Variants in FGF16 observed in about 807,000 individuals in gnomAD.
The protein encoded by FGF16 is metacarpal 4-5 fusion.
Under a neutral mutation model 8.5 loss-of-function variants are expected in FGF16, and 2 were observed. That is an observed-to-expected ratio of 0.24 (90% confidence interval 0.10 to 0.75). The LOEUF (loss-of-function observed/expected upper bound fraction) is 0.75, where lower values mean the gene tolerates loss of function less well. Among genes scored for constraint, FGF16 ranks in the 30% least tolerant of loss-of-function variants. The pLI is 0.74. For synonymous variants in FGF16, 33 were observed against 34.6 expected, an observed-to-expected ratio of 0.95 and a Z score of 0.16; for missense variants, 79 against 87.4, an observed-to-expected ratio of 0.90 and a Z score of 0.38.
intron 1 of FGF16, among the ~76,000 whole-genome samples, chrX:77,453,103 A>G (rs782797284): frequency 9.0e-6 from 1 of 111,301 alleles, no homozygotes; most frequent in South Asian, 3.8e-4. Flanking sequence ...AAAAAAACAG[A>G]ATTGCAATTT....
intron 2 of FGF16, among the ~76,000 whole-genome samples, chrX:77,454,917 C>T (rs782185575): frequency 1.9e-5 from 2 of 105,862 alleles, no homozygotes; most frequent in Admixed American, 1.0e-4. Context: ...TTGCCTCAGC[C>T]TCCCGAGTAG....
At chrX:77,455,208 G>T (rs1231754589) in intron 2 of FGF16, among the ~76,000 whole-genome samples, 1 of 112,395 alleles carries the variant, frequency 8.9e-6, no homozygotes, top group Non-Finnish European at 1.9e-5. Flanking sequence ...GATGGTCAGG[G>T]TTTGGGGCAT....
intron 1 of FGF16, among the ~76,000 whole-genome samples, chrX:77,450,216 G>T (rs1035866084): frequency 8.9e-5 from 10 of 111,952 alleles, no homozygotes; most frequent in African/African-American, 3.2e-4. Flanking sequence ...TTTCTGCTAG[G>T]GGGGAAGAGG....
chrX:77,447,474 G>A lies in FGF16; in HGVS notation c.-201G>A. 3.6e-6 allele frequency: 1 copy of A among 276,655 alleles called. No homozygotes were observed. The highest frequency in any genetic ancestry group is 6.4e-6 in the Non-Finnish European group (1 of 157,087). The allele number at this position is 276,655 out of a possible 1,213,427, so 22.8% of individuals were successfully genotyped here. A position where few individuals can be genotyped will look rare whatever the true frequency, so the allele number is the denominator to read the frequency against. ...CTGAGAGCAAGGTCAGGAGCACGCT[G>A]CCCCGCGCTCCCCGCCACTGAGAAG... On this transcript the variant is annotated 5_prime_UTR_variant, in exon 1 of 3. Transcript: ENST00000439435.
chrX:77,449,858 A>T (rs2147425272), intron 1 of FGF16, among the ~76,000 whole-genome samples: 1 of 112,153 alleles, frequency 8.9e-6, no homozygotes, highest in African/African-American at 3.2e-5. Context: ...TTTGCCTTTG[A>T]AAAAGAAAAC....
chrX:77,456,304 C>T lies in FGF16; in HGVS notation c.406C>T (p.Arg136Trp). Residue 136 changes from arginine (R) to tryptophan (W), a missense_variant, in exon 3 of 3, where the codon CGG (arginine) becomes TGG (tryptophan). Coordinates refer to ENST00000439435, the MANE Select transcript of FGF16 (RefSeq NM_003868.3). ...SKKLTRECVF[R>W]EQFEENWYNT... ...GAAACTCACACGTGAATGTGTTTTC[C>T]GGGAACAGTTTGAAGAAAACTGGTA... The T allele has an allele frequency of 5.8e-6, 7 of 1,208,898 alleles. No homozygotes were observed. Among genetic ancestry groups the T allele is most frequent in the Non-Finnish European group, 7.8e-6 (7 of 893,040 alleles).
intron 1 of FGF16, among the ~76,000 whole-genome samples, chrX:77,452,296 T>C (rs1385171045): frequency 1.8e-5 from 2 of 112,483 alleles, no homozygotes; most frequent in African/African-American, 6.5e-5. Flanking sequence ...TTTATTGAAA[T>C]ATCAAACGGA....
chrX:77,455,995 C>A (rs1222789683), intron 2 of FGF16, among the ~76,000 whole-genome samples: 1 of 112,385 alleles, frequency 8.9e-6, no homozygotes, highest in Non-Finnish European at 1.9e-5. Flanking sequence ...CAGCAATTCT[C>A]AGGCTCAGAG....
In FGF16 at chrX:77,456,612, T is replaced by G. The variant is rs2062573352; in HGVS notation, c.*90T>G. 2.3e-6 allele frequency: 2 copies of G among 876,507 alleles called. No homozygotes were observed. Among genetic ancestry groups the G allele is most frequent in the African/African-American group, 4.0e-5 (2 of 49,572 alleles). The allele number at this position is 876,507 out of a possible 1,213,427, so 72.2% of individuals were successfully genotyped here. A position where few individuals can be genotyped will look rare whatever the true frequency, so the allele number is the denominator to read the frequency against. On this transcript the variant is annotated 3_prime_UTR_variant, in exon 3 of 3. Coordinates refer to ENST00000439435, the MANE Select transcript of FGF16 (RefSeq NM_003868.3). ...ATATTCATAGCTTTTCAATCCTTCCTTCCTATCATTTTAGATAACAGAAAA... is the reference window on the plus strand; with the variant it reads ...ATATTCATAGCTTTTCAATCCTTCCGTCCTATCATTTTAGATAACAGAAAA...
At position 77,456,706 on chromosome X, in the gene FGF16, T is replaced by C. The variant is rs781825156; in HGVS notation, c.*184T>C. 12 of 429,578 alleles carry C rather than the reference T, an allele frequency of 2.8e-5. No individual in the cohort carries two copies. In the South Asian group the frequency reaches 5.4e-4, roughly 19 times the overall value. 35.4% of individuals were successfully genotyped at this position (429,578 alleles called of 1,213,427 possible). A position where few individuals can be genotyped will look rare whatever the true frequency, so the allele number is the denominator to read the frequency against. On this transcript the variant is annotated 3_prime_UTR_variant, in exon 3 of 3. Transcript: ENST00000439435. ...AAGTGTATATCAAGGTTGGGTTATT[T>C]TGGGGAGGGATGGGGGGCTGGGCTC...
chrX:77,453,525 G>T (rs1431898924), intron 1 of FGF16, among the ~76,000 whole-genome samples: 2 of 112,285 alleles, frequency 1.8e-5, no homozygotes, highest in Non-Finnish European at 3.8e-5. Context: ...TGATAGGCTT[G>T]TCAGCTTGGG....
At chrX:77,451,638 G>C (rs1347013001) in intron 1 of FGF16, among the ~76,000 whole-genome samples, 4 of 112,105 alleles carry the variant, frequency 3.6e-5, no homozygotes, top group Non-Finnish European at 7.5e-5. Context: ...TTAGTTACCA[G>C]ACCTGTATCA....
In FGF16 at chrX:77,454,272, GTTTTTTTTTTTTTTTTTTT is replaced by G. The variant is rs782034788; in HGVS notation, c.378+24_378+42del. Reference sequence around the variant, plus strand: ...AACTCTATGGGTCGGTAAGTTTAAGGTTTTTTTTTTTTTTTTTTTTTTTTTTTTTTGGTCAGAGGTTATT... The same window carrying G: ...AACTCTATGGGTCGGTAAGTTTAAGGTTTTTTTTTTTGGTCAGAGGTTATT... On this transcript the variant is annotated intron_variant, in intron 2 of 2. Coordinates refer to ENST00000439435, the MANE Select transcript of FGF16 (RefSeq NM_003868.3). The G allele has an allele frequency of 8.6e-5, 13 of 151,466 alleles. No homozygotes were observed. The highest frequency in any genetic ancestry group is 2.9e-4 in the Admixed American group (2 of 7,012). 12.5% of individuals were successfully genotyped at this position (151,466 alleles called of 1,213,427 possible).
intron 1 of FGF16, among the ~76,000 whole-genome samples, chrX:77,451,993 C>G (rs190114513): frequency 2.0e-4 from 22 of 112,252 alleles, no homozygotes; most frequent in Admixed American, 1.6e-3. Context: ...TTATAAAGCC[C>G]TTGCACAGAC....
intron 2 of FGF16, among the ~76,000 whole-genome samples, chrX:77,455,895 G>A (rs1239233604): frequency 8.9e-6 from 1 of 112,032 alleles, no homozygotes; most frequent in Non-Finnish European, 1.9e-5. Context: ...AGTTGACATG[G>A]TTGACTGTAA....
At position 77,456,370 on chromosome X, in the gene FGF16, G is replaced by A; in HGVS notation, c.472G>A (p.Glu158Lys). The part of the protein sequence containing the change: ...ASTLYKHSDS[E>K]RQYYVALNKD... ...AACCTTGTACAAACATTCGGACTCA[G>A]AGAGACAGTATTACGTGGCCCTGAA... The change falls in exon 3 of 3, where the codon GAG (glutamate) becomes AAG (lysine). Residue 158 changes from glutamate to lysine, a missense_variant. Transcript: ENST00000439435. The A allele has an allele frequency of 8.3e-7, 1 of 1,210,847 alleles. No homozygotes were observed. Among genetic ancestry groups the A allele is most frequent in the Non-Finnish European group, 1.1e-6 (1 of 894,655 alleles).
chrX:77,452,303 C>T (rs28602939), intron 1 of FGF16, among the ~76,000 whole-genome samples: 57,770 of 111,447 alleles, frequency 0.52, 12,942 homozygotes, highest in Non-Finnish European at 0.69. Context: ...AAATATCAAA[C>T]GGAGCAGAAC....
rs1311719687 is a variant in FGF16, at chrX:77,456,670, CTTG to C, written c.*154_*156del. The C allele has an allele frequency of 4.6e-5, 25 of 538,721 alleles. No homozygotes were observed. In the African/African-American group the frequency reaches 4.7e-4, roughly 10 times the overall value. The allele number at this position is 538,721 out of a possible 1,213,427, so 44.4% of individuals were successfully genotyped here. A position where few individuals can be genotyped will look rare whatever the true frequency, so the allele number is the denominator to read the frequency against. The stretch of plus-strand genomic sequence containing the variant: ...CTGTTGAACTCAACCCAGCTGTTCC[CTTG>C]TTGTTCAAAGTGTATATCAAGGTTG... On this transcript the variant is annotated 3_prime_UTR_variant, in exon 3 of 3. Coordinates refer to ENST00000439435, the MANE Select transcript of FGF16 (RefSeq NM_003868.3).
chrX:77,450,926 C>T (rs1440641589), intron 1 of FGF16, among the ~76,000 whole-genome samples: 1 of 111,903 alleles, frequency 8.9e-6, no homozygotes, highest in African/African-American at 3.3e-5. Context: ...CAACACTTTG[C>T]TGTTAACACC....
Sources: allele counts gnomAD v4.1 joint callset (sites outside exome capture counted in the v4.1 genomes callset), GRCh38; gene constraint gnomAD v4.1.1; transcripts MANE v1.5; gene names NCBI Gene and HGNC (gene_info 2026-07-23, HGNC 2026-07-21).